The following TM4SF19 variants were observed in gnomAD, a reference collection of about 807,000 sequenced individuals.
TM4SF19 encodes the protein transmembrane 4 L6 family member 19.
A neutral mutation model predicts 21.8 loss-of-function variants in TM4SF19; 17 were observed. That is an observed-to-expected ratio of 0.78 (90% CI 0.53 to 1.17). The LOEUF is 1.17. Among genes scored for constraint, TM4SF19 ranks in the 50% most tolerant of loss-of-function variants. The pLI, the probability that TM4SF19 is intolerant of heterozygous loss-of-function variation, is 0.00. For synonymous variants in TM4SF19, 107 were observed against 106.7 expected (o/e 1.00, Z -0.02); for missense variants, 216 against 252.1 (o/e 0.86, Z 0.97).
rs539891270 is a variant in TM4SF19, at chr3:196,325,907, G to A, written c.279+1048C>T. On this transcript the variant is annotated intron_variant, in intron 3 of 4. Transcript: ENST00000273695. The surrounding 1 kb of genome is among the most constrained non-coding windows in gnomAD (Gnocchi z 4.3). Reference sequence around the variant, plus strand: ...TTCAAGTGTCAGAACTACGTGCCACGGGGAAAACCAGAATGAGAACAGACA... The same window carrying A: ...TTCAAGTGTCAGAACTACGTGCCACAGGGAAAACCAGAATGAGAACAGACA... Among the ~76,000 whole-genome samples the A allele has an allele frequency of 1.3e-5, 2 of 152,140 alleles. No individual in the cohort carries two copies. The highest frequency in any genetic ancestry group is 2.1e-4 in the South Asian group (1 of 4,828).
At chr3:196,328,072 C>A (rs972828815) in intron 1 of TM4SF19, among the ~76,000 whole-genome samples, 5 of 152,150 alleles carry the variant, frequency 3.3e-5, no homozygotes, top group African/African-American at 1.2e-4. Context: ...GAGGCTGAGG[C>A]AGGCGGATCA....
rs1219943960 is a variant in TM4SF19, at chr3:196,327,540, G to A, written c.51C>T (p.Ile17=). 4 of 1,613,948 alleles carry A rather than the reference G, an allele frequency of 2.5e-6. No individual in the cohort carries two copies. The highest frequency in any genetic ancestry group is 2.2e-5 in the South Asian group (2 of 91,092). ...TQASSRTCSR[I]LGLSLGTAAL... Reference sequence around the variant, plus strand: ...CTGCAGTCCCAAGGCTCAGTCCCAGGATACGGGAGCAAGTCCGTGAGCTTG... The same window carrying A: ...CTGCAGTCCCAAGGCTCAGTCCCAGAATACGGGAGCAAGTCCGTGAGCTTG... The change falls in exon 2 of 5, where the codon ATC becomes ATT. Residue 17 remains isoleucine (I), a synonymous_variant. Coordinates refer to ENST00000273695, the MANE Select transcript of TM4SF19 (RefSeq NM_138461.4).
chr3:196,334,330 T>G (rs58912126), intron 1 of TM4SF19, among the ~76,000 whole-genome samples: 130,026 of 151,912 alleles, frequency 0.86, 56,159 homozygotes, highest in East Asian at 0.98. Flanking sequence ...TAGAAACTTG[T>G]TTAGTCGGGT....
rs770769930 is a variant in TM4SF19, at chr3:196,323,750, C to T, written c.*67G>A. On this transcript the variant is annotated 3_prime_UTR_variant, in exon 5 of 5. Coordinates refer to ENST00000273695, the MANE Select transcript of TM4SF19 (RefSeq NM_138461.4). ...GTTTGTTTATAATTCGTACCCACTC[C>T]TTGTAGAAAGGATTCAAGACAGCCG... 1.3e-5 allele frequency: 21 copies of T among 1,613,320 alleles called. No homozygotes were observed. The African/African-American group carries it at 2.7e-4, about 21-fold the overall frequency.
chr3:196,333,103 C>T (rs566482716), intron 1 of TM4SF19, among the ~76,000 whole-genome samples: 2 of 152,232 alleles, frequency 1.3e-5, no homozygotes, highest in Non-Finnish European at 1.5e-5. Context: ...TCACCTCCAC[C>T]TCCCAAAATG....
intron 1 of TM4SF19, among the ~76,000 whole-genome samples, chr3:196,328,591 G>A (rs983019920): frequency 6.6e-6 from 1 of 152,106 alleles, no homozygotes; most frequent in Admixed American, 6.6e-5. Flanking sequence ...GAAAATTAAT[G>A]GAGACCTAAA....
At chr3:196,324,603 G>A (rs1727212634) in intron 3 of TM4SF19, 163 bp from the exon 4 acceptor site, 1 of 675,232 alleles carries the variant, frequency 1.5e-6, no homozygotes, top group Admixed American at 2.9e-5. Context: ...GTCCTGTCAT[G>A]GGGGAGAATT....
At chr3:196,330,195 C>T (rs535431082) in intron 1 of TM4SF19, among the ~76,000 whole-genome samples, 20 of 152,106 alleles carry the variant, frequency 1.3e-4, no homozygotes, top group African/African-American at 4.8e-4. Flanking sequence ...CCCAGCTGGT[C>T]TTCAACTCCT....
At chr3:196,336,152 T>G (rs935220878) in intron 1 of TM4SF19, among the ~76,000 whole-genome samples, 2 of 151,990 alleles carry the variant, frequency 1.3e-5, no homozygotes, top group African/African-American at 4.8e-5. Context: ...TTTGTTTTTT[T>G]TTTGAGACAG....
intron 1 of TM4SF19, among the ~76,000 whole-genome samples, chr3:196,336,155 T>C (rs888704000): frequency 3.9e-5 from 6 of 152,060 alleles, no homozygotes; most frequent in Non-Finnish European, 8.8e-5. Flanking sequence ...GTTTTTTTTT[T>C]GAGACAGAGT....
At chr3:196,328,867 T>C (rs1481526161) in intron 1 of TM4SF19, among the ~76,000 whole-genome samples, 2 of 152,158 alleles carry the variant, frequency 1.3e-5, no homozygotes, top group Admixed American at 6.6e-5. Flanking sequence ...TTGAAGACAC[T>C]GAAGCCACGC....
chr3:196,334,600 C>T (rs1727649132), intron 1 of TM4SF19, among the ~76,000 whole-genome samples: 2 of 152,150 alleles, frequency 1.3e-5, no homozygotes, highest in Admixed American at 6.5e-5. Flanking sequence ...ACTACAGCTG[C>T]ACACCACCAT....
chr3:196,327,510 CAG>C lies in TM4SF19; in HGVS notation c.79_80del (p.Leu27ValfsTer13). 1 of 1,614,158 alleles carries C rather than the reference CAG, an allele frequency of 6.2e-7. No homozygotes were observed. Among genetic ancestry groups the C allele is most frequent in the South Asian group, 1.1e-5 (1 of 91,088 alleles). On this transcript the variant is annotated frameshift_variant, in exon 2 of 5. Coordinates refer to ENST00000273695, the MANE Select transcript of TM4SF19 (RefSeq NM_138461.4). LOFTEE classifies it high-confidence loss of function. ...GTGCCACGTTGGCCCCAGCAGCAAA[CAG>C]GGCTGCAGTCCCAAGGCTCAGTCCC... is the stretch of plus-strand genomic sequence containing the variant. Reference protein sequence around the residue: ...ILGLSLGTAALFAAGANVALL... With the variant: ...ILGLSLGTAAXFAAGANVALL...
chr3:196,326,119 C>T (rs1365587425), intron 3 of TM4SF19, among the ~76,000 whole-genome samples: 1 of 152,092 alleles, frequency 6.6e-6, no homozygotes, highest in Admixed American at 6.6e-5. Flanking sequence ...GGATTACAGG[C>T]GCCCACCACC....
intron 1 of TM4SF19, among the ~76,000 whole-genome samples, chr3:196,337,911 G>A (rs539101013): frequency 1.2e-4 from 18 of 151,168 alleles, no homozygotes; most frequent in Middle Eastern, 3.4e-3. Context: ...CTGCAGACTC[G>A]CTGGATTCAC....
chr3:196,323,895 G>A lies in TM4SF19; in HGVS notation c.552C>T (p.Ser184=). Residue 184 remains serine (S), a synonymous_variant, in exon 5 of 5, where the codon AGC becomes AGT. Transcript: ENST00000273695. ...CGACCACCAGGAGAAGCTGGAGCAGGCTGATGCACAGAAGGGCGGAGAAGA... is the reference window on the plus strand; with the variant it reads ...CGACCACCAGGAGAAGCTGGAGCAGACTGATGCACAGAAGGGCGGAGAAGA... ...VSLFSALLCI[S]LLQLLLVVVH... 1 of 1,614,196 alleles carries A rather than the reference G, an allele frequency of 6.2e-7. No individual in the cohort carries two copies. The highest frequency in any genetic ancestry group is 8.5e-7 in the Non-Finnish European group (1 of 1,180,042).
At position 196,324,012 on chromosome 3, in the gene TM4SF19, A is replaced by G. The variant is rs1358905983; in HGVS notation, c.450-15T>C. On this transcript the variant is annotated splice_polypyrimidine_tract_variant and intron_variant, in intron 4 of 4. Coordinates refer to ENST00000273695, the MANE Select transcript of TM4SF19 (RefSeq NM_138461.4). ...ACAGATAATTCCTATCCCAAAAAAT[A>G]AGGAGACCAGGGGTCAGGCGATAAG... 3 of 1,613,262 alleles carry G rather than the reference A, an allele frequency of 1.9e-6. No homozygotes were observed. The highest frequency in any genetic ancestry group is 2.5e-6 in the Non-Finnish European group (3 of 1,179,620).
At chr3:196,336,663 G>C (rs904181331) in intron 1 of TM4SF19, among the ~76,000 whole-genome samples, 1 of 152,216 alleles carries the variant, frequency 6.6e-6, no homozygotes, top group Non-Finnish European at 1.5e-5. Context: ...TGTGAACCAG[G>C]AGGTTAGCAA....
intron 1 of TM4SF19, among the ~76,000 whole-genome samples, chr3:196,330,145 G>T (rs1392916137): frequency 1.6e-5 from 2 of 126,102 alleles, no homozygotes; most frequent in Non-Finnish European, 3.5e-5. Flanking sequence ...GCGCGCGGTG[G>T]TTTTGGGGTT....
Sources: allele counts gnomAD v4.1 joint callset (sites outside exome capture counted in the v4.1 genomes callset), GRCh38; gene constraint gnomAD v4.1.1; non-coding constraint Gnocchi (gnomAD v3.1); transcripts MANE v1.5; gene names NCBI Gene and HGNC (gene_info 2026-07-23, HGNC 2026-07-21).